Variants in ABCA13 observed in about 807,000 individuals in gnomAD.
ABCA13 encodes the protein ATP binding cassette subfamily A member 13, also known as ATP-binding cassette sub-family A member 13.
In ABCA13, 476 loss-of-function variants were observed where a neutral mutation model predicts 478.7. The ratio of observed to expected loss-of-function variants is 0.99; its 90% CI spans 0.92 to 1.07. ABCA13 has a LOEUF of 1.07. ABCA13 is among the 50% of genes least tolerant of loss of function. ABCA13 has a pLI of 0.00. For missense variants in ABCA13, 6,060 were observed against 5,910.6 expected (o/e 1.03, Z -0.83); for synonymous variants, 2,252 against 2,158.9 (o/e 1.04, Z -1.20).
In ABCA13 at chr7:48,646,384, A is replaced by G. The variant is rs1467197563; in HGVS notation, c.*872A>G. Reference sequence around the variant, plus strand: ...CAAGAAATGTACATTCTCAGGATCCACTCCAGACCTATTGAATCTCAAATT... The same window carrying G: ...CAAGAAATGTACATTCTCAGGATCCGCTCCAGACCTATTGAATCTCAAATT... On this transcript the variant is annotated 3_prime_UTR_variant, in exon 62 of 62. Transcript: ENST00000435803. 1 of 152,236 alleles carries G rather than the reference A, an allele frequency of 6.6e-6. No homozygotes were observed. Among genetic ancestry groups the G allele is most frequent in the Non-Finnish European group, 1.5e-5 (1 of 68,050 alleles). The allele number at this position is 152,236 out of a possible 1,614,324, so 9.4% of individuals were successfully genotyped here.
At chr7:48,413,127 T>A (rs1198737790) in intron 41 of ABCA13, among the ~76,000 whole-genome samples, 1 of 152,098 alleles carries the variant, frequency 6.6e-6, no homozygotes, top group Non-Finnish European at 1.5e-5. Flanking sequence ...AGCATTCTTG[T>A]ATTTGAGAAG....
At chr7:48,411,013 TTCTTTCTTTCTTTC>T in intron 40 of ABCA13, among the ~76,000 whole-genome samples, 2 of 115,492 alleles carry the variant, frequency 1.7e-5, no homozygotes, top group African/African-American at 3.1e-5. Context: ...CTTTCTTTCT[TTCTTTCTTTCTTTC>T]TTTCTTTCTT....
chr7:48,582,672 A>G (rs1788819508), intron 56 of ABCA13, among the ~76,000 whole-genome samples: 1 of 152,144 alleles, frequency 6.6e-6, no homozygotes, highest in Non-Finnish European at 1.5e-5. Context: ...CTCAGAGCCC[A>G]TGCCATGGCT....
At position 48,647,037 on chromosome 7, in the gene ABCA13, A is replaced by G. The variant is rs941635729; in HGVS notation, c.*1525A>G. Reference sequence around the variant, plus strand: ...CATTTCTGAGTTCAGACATTTCTCAACATTCTTTTAACAACATTTTTCTGA... The same window carrying G: ...CATTTCTGAGTTCAGACATTTCTCAGCATTCTTTTAACAACATTTTTCTGA... On this transcript the variant is annotated 3_prime_UTR_variant, in exon 62 of 62. Coordinates refer to ENST00000435803, the MANE Select transcript of ABCA13 (RefSeq NM_152701.5). The G allele has an allele frequency of 3.9e-5, 6 of 152,262 alleles. No homozygotes were observed. The highest frequency in any genetic ancestry group is 3.9e-4 in the East Asian group (2 of 5,180). 9.4% of individuals were successfully genotyped at this position (152,262 alleles called of 1,614,324 possible).
Position 48,299,401 on chromosome 7 carries a change from G to A in ABCA13, c.9321+914G>A, listed in dbSNP as rs139227410. On this transcript the variant is annotated intron_variant, in intron 23 of 61. Coordinates refer to ENST00000435803, the MANE Select transcript of ABCA13 (RefSeq NM_152701.5). ...CTGGGAAACCAAAATTCAAATGACAGTGTCACCAAGTTACTTATAATAAGG... is the reference window on the plus strand; with the variant it reads ...CTGGGAAACCAAAATTCAAATGACAATGTCACCAAGTTACTTATAATAAGG... 3.3e-3 allele frequency among the ~76,000 whole-genome samples: 495 copies of A among 152,276 alleles called. 1 individual carries two copies. Among genetic ancestry groups the A allele is most frequent in the African/African-American group, 0.01 (421 of 41,550 alleles).
At chr7:48,530,309 T>C (rs1833137391) in intron 55 of ABCA13, among the ~76,000 whole-genome samples, 1 of 151,808 alleles carries the variant, frequency 6.6e-6, no homozygotes, top group Admixed American at 6.6e-5. Flanking sequence ...TCATGGTGTA[T>C]ATATATGTAT....
intron 59 of ABCA13, among the ~76,000 whole-genome samples, chr7:48,619,778 G>A (rs114797243): frequency 6.6e-6 from 1 of 152,148 alleles, no homozygotes; most frequent in African/African-American, 2.4e-5. Flanking sequence ...ATTTCCTGGG[G>A]TCACTTATGA....
chr7:48,547,438 A>C (rs1403336497), intron 55 of ABCA13, among the ~76,000 whole-genome samples: 1 of 151,966 alleles, frequency 6.6e-6, no homozygotes, highest in Admixed American at 6.6e-5. Flanking sequence ...CAGAATGTGC[A>C]AACTAGCAGA....
intron 31 of ABCA13, among the ~76,000 whole-genome samples, chr7:48,353,126 G>T (rs556440280): frequency 6.6e-6 from 1 of 151,764 alleles, no homozygotes; most frequent in Admixed American, 6.5e-5. Flanking sequence ...GACTATGGTC[G>T]GACTGGGGCT....
intron 31 of ABCA13, among the ~76,000 whole-genome samples, chr7:48,360,748 T>A (rs912440216): frequency 1.3e-5 from 2 of 152,004 alleles, no homozygotes; most frequent in African/African-American, 4.8e-5. Context: ...AAAGTTTTTG[T>A]GCTACATACT....
chr7:48,530,566 A>C (rs1184093807), intron 55 of ABCA13, among the ~76,000 whole-genome samples: 1 of 152,156 alleles, frequency 6.6e-6, no homozygotes, highest in Non-Finnish European at 1.5e-5. Flanking sequence ...GAATCTCCAC[A>C]CTGTTTTCTA....
At chr7:48,305,978 A>AT (rs1333509859) in intron 23 of ABCA13, among the ~76,000 whole-genome samples, 1 of 152,244 alleles carries the variant, frequency 6.6e-6, no homozygotes, top group Non-Finnish European at 1.5e-5. Flanking sequence ...TTTACTTTGA[A>AT]TAGAAATCAC....
At chr7:48,452,055 A>G (rs552794870) in intron 42 of ABCA13, among the ~76,000 whole-genome samples, 2 of 152,330 alleles carry the variant, frequency 1.3e-5, no homozygotes, top group South Asian at 2.1e-4. Flanking sequence ...ACCATAAACT[A>G]TATTAGCCCT....
chr7:48,374,457 A>T (rs945716944), intron 34 of ABCA13, 41 bp downstream of exon 34: 15 of 1,549,988 alleles, frequency 9.7e-6, no homozygotes, highest in Non-Finnish European at 1.3e-5. Flanking sequence ...TCAGTGAATC[A>T]CGTTTTTGGA....
chr7:48,318,170 C>G (rs192994395), intron 27 of ABCA13, among the ~76,000 whole-genome samples: 2 of 152,252 alleles, frequency 1.3e-5, no homozygotes, highest in Admixed American at 6.5e-5. Context: ...CATTTTTGAT[C>G]AAACTTGCCT....
intron 42 of ABCA13, among the ~76,000 whole-genome samples, chr7:48,432,575 T>C (rs1822290472): frequency 6.6e-6 from 1 of 152,124 alleles, no homozygotes; most frequent in African/African-American, 2.4e-5. Flanking sequence ...AACCTAAGTG[T>C]TCATCAACAG....
chr7:48,493,848 C>G (rs1830045617), intron 48 of ABCA13, among the ~76,000 whole-genome samples: 2 of 152,142 alleles, frequency 1.3e-5, no homozygotes, highest in South Asian at 4.1e-4. Context: ...TTGGGTGATT[C>G]TAATGGTAAC....
At position 48,272,084 on chromosome 7, in the gene ABCA13, T is replaced by G. The variant is rs772494705; in HGVS notation, c.2418T>G (p.Thr806=). The G allele has an allele frequency of 3.1e-6, 5 of 1,613,618 alleles. No homozygotes were observed. The African/African-American group carries it at 5.3e-5, about 17-fold the overall frequency. The part of the protein sequence containing the change: ...FGNEVIWKMQ[T]LGSHWIRKEP... ...ACGAAGTGATTTGGAAAATGCAGAC[T>G]CTCGGAAGTCACTGGATAAGGAAGG... is the stretch of plus-strand genomic sequence containing the variant. The change falls in exon 17 of 62, where the codon ACT becomes ACG. Residue 806 remains threonine (T), a synonymous_variant. Coordinates refer to ENST00000435803, the MANE Select transcript of ABCA13 (RefSeq NM_152701.5).
At chr7:48,420,478 G>A (rs1820596025) in intron 41 of ABCA13, among the ~76,000 whole-genome samples, 1 of 152,178 alleles carries the variant, frequency 6.6e-6, no homozygotes, top group South Asian at 2.1e-4. Flanking sequence ...CTGGCATAAT[G>A]CAAACAGAGT....
Sources: gnomAD v4.1 joint callset for allele counts (sites outside exome capture counted in the v4.1 genomes callset) on GRCh38, gnomAD v4.1.1 for gene constraint, MANE v1.5 for transcripts, NCBI Gene and HGNC (gene_info 2026-07-23, HGNC 2026-07-21) for gene names.